Variants in DAPP1 observed in about 807,000 individuals in gnomAD.
DAPP1 encodes the protein dual adapter for phosphotyrosine and 3-phosphotyrosine and 3-phosphoinositide.
DAPP1 carries 20 observed loss-of-function variants against 41.5 expected under a neutral mutation model. The observed-to-expected ratio is 0.48, with a 90% CI of 0.34 to 0.70. The LOEUF (loss-of-function observed/expected upper bound fraction) is 0.70, where lower values mean the gene tolerates loss of function less well. Ranked by LOEUF, DAPP1 falls within the 30% of genes least tolerant of loss-of-function variation. The pLI is 0.01. For missense variants in DAPP1, 233 were observed against 333.4 expected, an observed-to-expected ratio of 0.70 and a Z score of 2.35; for synonymous variants, 113 against 116.2, an observed-to-expected ratio of 0.97 and a Z score of 0.18.
intron 3 of DAPP1, among the ~76,000 whole-genome samples, chr4:99,840,677 A>G (rs1724122122): frequency 6.6e-6 from 1 of 152,236 alleles, no homozygotes; most frequent in Admixed American, 6.5e-5. Context: ...AAAAGAACAA[A>G]GGTAAAAATG....
rs202148579 is a variant in DAPP1, at chr4:99,862,999, G to A, written c.538-11G>A. On this transcript the variant is annotated splice_polypyrimidine_tract_variant and intron_variant, in intron 5 of 8. Coordinates refer to ENST00000512369, the MANE Select transcript of DAPP1 (RefSeq NM_014395.3). Reference sequence around the variant, plus strand: ...TGTCTGTGTGTTTGTGTGTGTGTGTGTTTTTCTCAGACCTGGAAAACAAGA... The same window carrying A: ...TGTCTGTGTGTTTGTGTGTGTGTGTATTTTTCTCAGACCTGGAAAACAAGA... The A allele has an allele frequency of 7.8e-5, 123 of 1,577,788 alleles. 1 individual carries two copies. The African/African-American group carries it at 1.2e-3, about 16-fold the overall frequency.
chr4:99,830,117 T>C (rs1395773948), intron 1 of DAPP1, among the ~76,000 whole-genome samples: 2 of 152,248 alleles, frequency 1.3e-5, no homozygotes, highest in Non-Finnish European at 2.9e-5. Context: ...GCACAGTGGC[T>C]CACGCCTGTA....
At chr4:99,829,987 G>T (rs921589516) in intron 1 of DAPP1, among the ~76,000 whole-genome samples, 1 of 151,832 alleles carries the variant, frequency 6.6e-6, no homozygotes, top group Admixed American at 6.6e-5. Flanking sequence ...TTGTAATTTT[G>T]CATAATTTGT....
intron 3 of DAPP1, among the ~76,000 whole-genome samples, chr4:99,848,630 T>C (rs1723753048): frequency 1.3e-5 from 2 of 152,326 alleles, no homozygotes; most frequent in South Asian, 4.1e-4. Context: ...TTAGTAATCA[T>C]GGCAAGTCTG....
chr4:99,866,331 A>G (rs199757072), intron 8 of DAPP1, among the ~76,000 whole-genome samples: 1 of 152,096 alleles, frequency 6.6e-6, no homozygotes, highest in East Asian at 1.9e-4. Context: ...ATTAAGCCAT[A>G]TTTGGGTCTT....
intron 4 of DAPP1, among the ~76,000 whole-genome samples, chr4:99,857,701 T>TACACACACACACACAC (rs140943788): frequency 1.4e-5 from 2 of 143,020 alleles, no homozygotes; most frequent in Admixed American, 1.4e-4. Context: ...TGTATGTATA[T>TACACACACACACACAC]ACACACACAC....
intron 1 of DAPP1, among the ~76,000 whole-genome samples, chr4:99,819,473 T>C (rs1722695555): frequency 6.6e-6 from 1 of 152,234 alleles, no homozygotes. Flanking sequence ...TGATACATTT[T>C]TTATAGATAA....
At chr4:99,817,113 T>C in intron 1 of DAPP1, 99 bp downstream of exon 1, 1 of 824,496 alleles carries the variant, frequency 1.2e-6, no homozygotes, top group South Asian at 1.8e-5. Flanking sequence ...CAGTGCCTTG[T>C]TGCCCTCTGC....
chr4:99,835,704 G>A lies in DAPP1; in HGVS notation c.183G>A (p.Arg61=), dbSNP rs1441247545. ...GATGTGACGGCAGCTACCTTCTGAG[G>A]GACAGCAATGAGACCACCGGGCTGT... The part of the protein sequence containing the change: ...SNGCDGSYLL[R]DSNETTGLYS... Residue 61 remains arginine (R), a synonymous_variant, in exon 2 of 9, where the codon AGG becomes AGA. Coordinates refer to ENST00000512369, the MANE Select transcript of DAPP1 (RefSeq NM_014395.3). 2 of 1,613,740 alleles carry A rather than the reference G, an allele frequency of 1.2e-6. No homozygotes were observed. Among genetic ancestry groups the A allele is most frequent in the Non-Finnish European group, 1.7e-6 (2 of 1,179,810 alleles).
At chr4:99,862,004 C>G (rs1461766891) in intron 5 of DAPP1, among the ~76,000 whole-genome samples, 1 of 152,208 alleles carries the variant, frequency 6.6e-6, no homozygotes, top group Non-Finnish European at 1.5e-5. Context: ...AAAAACATCA[C>G]TGATGCTACT....
At chr4:99,836,680 C>T (rs1192834036) in intron 2 of DAPP1, among the ~76,000 whole-genome samples, 6 of 152,234 alleles carry the variant, frequency 3.9e-5, no homozygotes, top group African/African-American at 1.2e-4. Context: ...CACTACTGGT[C>T]ACTAACTCAG....
intron 1 of DAPP1, among the ~76,000 whole-genome samples, chr4:99,824,861 G>T (rs193011305): frequency 2.9e-4 from 44 of 152,248 alleles, no homozygotes; most frequent in African/African-American, 1.0e-3. Flanking sequence ...GAGAGCAGTG[G>T]TGCTTTTTTG....
At chr4:99,861,660 GAA>G (rs1323948789) in intron 5 of DAPP1, 35 bp downstream of exon 5, 6 of 1,554,610 alleles carry the variant, frequency 3.9e-6, no homozygotes, top group Non-Finnish European at 5.2e-6. Context: ...GCCAGCCACA[GAA>G]AAAAGAGAAC....
chr4:99,827,147 G>T (rs28605761), intron 1 of DAPP1, among the ~76,000 whole-genome samples: 1 of 152,106 alleles, frequency 6.6e-6, no homozygotes, highest in African/African-American at 2.4e-5. Context: ...GGTTGAGGGA[G>T]GGGCCTGAGG....
intron 1 of DAPP1, among the ~76,000 whole-genome samples, chr4:99,818,812 A>G (rs1273036932): frequency 6.6e-6 from 1 of 152,220 alleles, no homozygotes; most frequent in Admixed American, 6.5e-5. Flanking sequence ...ACTGCTCTAC[A>G]GTCCTGGTTC....
At chr4:99,835,258 C>A (rs768065668) in intron 1 of DAPP1, among the ~76,000 whole-genome samples, 16 of 152,116 alleles carry the variant, frequency 1.1e-4, no homozygotes, top group Non-Finnish European at 2.2e-4. Context: ...ATCCGCCTGC[C>A]TTGGCCTCCC....
In DAPP1 at chr4:99,848,029, G is replaced by C. The variant is rs575532691; in HGVS notation, c.359-5189G>C. ...GGGTTTCATCATGTTGGCCAGGATG[G>C]TCTTGATCTCCTGACCTCATGATCC... On this transcript the variant is annotated intron_variant, in intron 3 of 8. Coordinates refer to ENST00000512369, the MANE Select transcript of DAPP1 (RefSeq NM_014395.3). 5.3e-5 allele frequency among the ~76,000 whole-genome samples: 8 copies of C among 152,004 alleles called. No homozygotes were observed. The South Asian group carries it at 1.7e-3, about 32-fold the overall frequency.
chr4:99,844,162 T>C (rs1317676256), intron 3 of DAPP1: 1 of 152,160 alleles, frequency 6.6e-6, no homozygotes, highest in Admixed American at 6.6e-5. Flanking sequence ...AGGGTTTTAT[T>C]GGATGAAAAG....
chr4:99,839,168 C>T (rs1259775979), intron 2 of DAPP1, among the ~76,000 whole-genome samples: 1 of 150,646 alleles, frequency 6.6e-6, no homozygotes, highest in Non-Finnish European at 1.5e-5. Context: ...TCAGGCCCCA[C>T]CTTGGATCTA....
Sources: allele counts gnomAD v4.1 joint callset (sites outside exome capture counted in the v4.1 genomes callset), GRCh38; gene constraint gnomAD v4.1.1; transcripts MANE v1.5; gene names NCBI Gene and HGNC (gene_info 2026-07-23, HGNC 2026-07-21).